FRMPD4: variants seen among roughly 807,000 people sequenced by gnomAD.
FRMPD4 encodes the protein FERM and PDZ domain containing 4, also known as FERM and PDZ domain-containing protein 4.
In FRMPD4, 22 loss-of-function variants were observed where a neutral mutation model predicts 94.1. The ratio of observed to expected loss-of-function variants is 0.23; its 90% CI spans 0.17 to 0.33. FRMPD4 has a LOEUF of 0.33. Ranked by LOEUF, FRMPD4 falls within the 10% of genes least tolerant of loss-of-function variation. The pLI is 1.00. For missense variants in FRMPD4, 1,111 were observed against 1,339.9 expected, an observed-to-expected ratio of 0.83 and a Z score of 2.67; for synonymous variants, 631 against 548.6, an observed-to-expected ratio of 1.15 and a Z score of -2.10.
intron 5 of FRMPD4, among the ~76,000 whole-genome samples, chrX:12,683,161 C>T (rs964259110): frequency 8.9e-6 from 1 of 112,159 alleles, no homozygotes; most frequent in African/African-American, 3.2e-5. Flanking sequence ...TCACCTTGAA[C>T]ACTGTGCTCA....
intron 1 of FRMPD4, among the ~76,000 whole-genome samples, chrX:12,215,571 C>A (rs1372537435): frequency 8.9e-6 from 1 of 111,739 alleles, no homozygotes. Context: ...TTATTTAATC[C>A]TCATAGTGAC....
chrX:12,344,684 T>A (rs2055672673), intron 1 of FRMPD4, among the ~76,000 whole-genome samples: 1 of 112,509 alleles, frequency 8.9e-6, no homozygotes, highest in Admixed American at 9.4e-5. Context: ...AGAGCATTTA[T>A]CTTTTTGTAC....
intron 1 of FRMPD4, among the ~76,000 whole-genome samples, chrX:12,298,140 T>C (rs1411154297): frequency 8.9e-6 from 1 of 111,877 alleles, no homozygotes; most frequent in African/African-American, 3.2e-5. Flanking sequence ...CCAGGTTTTT[T>C]GCTGTTTATG....
At chrX:12,063,302 G>A (rs992131335) in intron 3 of FRMPD4, among the ~76,000 whole-genome samples, 3 of 111,585 alleles carry the variant, frequency 2.7e-5, no homozygotes, top group East Asian at 2.8e-4. Flanking sequence ...CTGGGAGGTC[G>A]AGTCTGCAAT....
chrX:12,606,830 G>A (rs1268271049), intron 2 of FRMPD4, among the ~76,000 whole-genome samples: 1 of 110,930 alleles, frequency 9.0e-6, no homozygotes, highest in Admixed American at 9.6e-5. Context: ...GAGGTAAAAG[G>A]ACAGAATTGT....
chrX:12,639,498 T>C (rs1193354599), intron 4 of FRMPD4, among the ~76,000 whole-genome samples: 2 of 112,304 alleles, frequency 1.8e-5, no homozygotes, highest in African/African-American at 6.5e-5. Context: ...TTTTTTCCCC[T>C]TGAAAGTGAA....
At chrX:12,469,528 G>T (rs1157920379) in intron 1 of FRMPD4, among the ~76,000 whole-genome samples, 1 of 111,822 alleles carries the variant, frequency 8.9e-6, no homozygotes, top group Non-Finnish European at 1.9e-5. Flanking sequence ...TAGGATTACA[G>T]GCATGAGTCA....
chrX:12,540,558 C>A, intron 2 of FRMPD4, among the ~76,000 whole-genome samples: 1 of 111,998 alleles, frequency 8.9e-6, no homozygotes, highest in Middle Eastern at 4.6e-3. Flanking sequence ...AATATATATG[C>A]ACCCAACACA....
At chrX:12,580,617 A>T (rs2058854812) in intron 2 of FRMPD4, among the ~76,000 whole-genome samples, 1 of 111,875 alleles carries the variant, frequency 8.9e-6, no homozygotes, top group Non-Finnish European at 1.9e-5. Context: ...ATGATGTGAG[A>T]TGATAAAATG....
In FRMPD4 at chrX:12,721,051, C is replaced by A. The variant is rs866451792; in HGVS notation, c.4482C>A (p.Ser1494Arg). The change falls in exon 17 of 17, where the codon AGC becomes AGA. Residue 1494 changes from serine to arginine, a missense_variant. Physicochemically the swap from Ser to Arg is moderately radical, Grantham distance 110 (BLOSUM62 -1). Coordinates refer to ENST00000675598, the MANE Select transcript of FRMPD4 (RefSeq NM_001368397.1). ...RTLPLRKLEGSNWRCRGPFSY... is the reference protein window; with the variant it reads ...RTLPLRKLEGRNWRCRGPFSY... Reference sequence around the variant, plus strand: ...TACCCTTGCGGAAGCTGGAGGGCAGCAATTGGAGATGCCGGGGACCCTTCA... The same window carrying A: ...TACCCTTGCGGAAGCTGGAGGGCAGAAATTGGAGATGCCGGGGACCCTTCA... 3 of 756,482 alleles carry A rather than the reference C, an allele frequency of 4.0e-6. No homozygotes were observed. Among genetic ancestry groups the A allele is most frequent in the Middle Eastern group, 7.8e-4 (2 of 2,560 alleles). 62.3% of individuals were successfully genotyped at this position (756,482 alleles called of 1,213,427 possible).
intron 3 of FRMPD4, among the ~76,000 whole-genome samples, chrX:12,007,284 T>A (rs1413080104): frequency 8.9e-6 from 1 of 111,941 alleles, no homozygotes; most frequent in Non-Finnish European, 1.9e-5. Context: ...AATTGGATCG[T>A]TTTTAGCTTC....
chrX:12,536,847 C>T, intron 2 of FRMPD4, among the ~76,000 whole-genome samples: 1 of 111,533 alleles, frequency 9.0e-6, no homozygotes, highest in Non-Finnish European at 1.9e-5. Flanking sequence ...TAGCATGAGG[C>T]AAGTGAGGGG....
At chrX:12,607,745 CACA>C (rs1205838368) in intron 2 of FRMPD4, among the ~76,000 whole-genome samples, 1 of 112,240 alleles carries the variant, frequency 8.9e-6, no homozygotes, top group Non-Finnish European at 1.9e-5. Flanking sequence ...GCACATGGTG[CACA>C]ACATGTTAGT....
chrX:11,971,557 G>A (rs1238401786), intron 3 of FRMPD4, among the ~76,000 whole-genome samples: 1 of 112,645 alleles, frequency 8.9e-6, no homozygotes, highest in Non-Finnish European at 1.9e-5. Context: ...ATAAATTAAA[G>A]AATGACTTTG....
At chrX:12,338,315 A>G (rs1019863971) in intron 1 of FRMPD4, among the ~76,000 whole-genome samples, 1 of 112,201 alleles carries the variant, frequency 8.9e-6, no homozygotes, top group African/African-American at 3.2e-5. Context: ...GAAAAGGCAG[A>G]TGAAAGCAGC....
intron 14 of FRMPD4, among the ~76,000 whole-genome samples, chrX:12,714,481 C>A (rs2042043061): frequency 8.9e-6 from 1 of 111,796 alleles, no homozygotes; most frequent in African/African-American, 3.3e-5. Context: ...CGTTGCAAGA[C>A]ACTTTTTCTA....
At chrX:12,524,285 A>G (rs1267713258) in intron 2 of FRMPD4, among the ~76,000 whole-genome samples, 2 of 112,428 alleles carry the variant, frequency 1.8e-5, no homozygotes, top group Non-Finnish European at 3.8e-5. Flanking sequence ...TGTTTTCAGG[A>G]AAAACTGGTC....
intron 3 of FRMPD4, among the ~76,000 whole-genome samples, chrX:11,890,813 G>T (rs1331361461): frequency 8.9e-6 from 1 of 112,618 alleles, no homozygotes; most frequent in Admixed American, 9.3e-5. Context: ...GAGTCTAAAT[G>T]TTTAAAGGAA....
chrX:12,193,827 GAGGGAAGGAAGAAAGA>G (rs1475026023), intron 1 of FRMPD4, among the ~76,000 whole-genome samples: 5 of 27,500 alleles, frequency 1.8e-4, no homozygotes, highest in African/African-American at 1.1e-3. Context: ...AGGAAGGAAG[GAGGGAAGGAAGAAAGA>G]AAAGAAAGAA....
Sources: allele counts gnomAD v4.1 joint callset (sites outside exome capture counted in the v4.1 genomes callset), GRCh38; gene constraint gnomAD v4.1.1; transcripts MANE v1.5; gene names NCBI Gene and HGNC (gene_info 2026-07-23, HGNC 2026-07-21).